The following NRXN3 variants were observed in gnomAD, a reference collection of about 807,000 sequenced individuals.
NRXN3 encodes neurexin III.
NRXN3 carries 32 observed loss-of-function variants against 137.6 expected under a neutral mutation model. That is an observed-to-expected ratio of 0.23 (90% CI 0.18 to 0.31). The LOEUF is 0.31. Among genes scored for constraint, NRXN3 ranks in the 10% least tolerant of loss-of-function variants. The probability of loss-of-function intolerance (pLI) is 1.00; values close to 1 mark genes in which losing one functional copy is unlikely to be tolerated. For missense variants in NRXN3, 1,574 were observed against 2,062.5 expected, an observed-to-expected ratio of 0.76 and a Z score of 4.59; for synonymous variants, 798 against 784.5, an observed-to-expected ratio of 1.02 and a Z score of -0.29.
chr14:78,204,831 G>T (rs376396944), intron 1 of NRXN3, among the ~76,000 whole-genome samples: 1 of 152,154 alleles, frequency 6.6e-6, no homozygotes, highest in Non-Finnish European at 1.5e-5. Flanking sequence ...ATAAAGAGCC[G>T]TAAGTAACTG....
intron 4 of NRXN3, among the ~76,000 whole-genome samples, chr14:78,420,205 AT>A (rs1008528423): frequency 5.9e-5 from 9 of 152,210 alleles, no homozygotes; most frequent in African/African-American, 1.2e-4. Context: ...TGGTTAGAGG[AT>A]TTTCAAACTT....
Position 78,915,365 on chromosome 14 carries a change from A to C in NRXN3, c.2276-41877A>C, listed in dbSNP as rs1305114137. ...TGAAGCAAAAAAAAAAAAAAAAAAA[A>C]AAAAAAACCACACAGAAAAAAAACA... On this transcript the variant is annotated intron_variant, in intron 10 of 20. Transcript: ENST00000335750. Among the ~76,000 whole-genome samples, 173 of 148,546 alleles carry C rather than the reference A, an allele frequency of 1.2e-3. 2 individuals are homozygous for C. In the East Asian group the frequency reaches 0.029, roughly 25 times the overall value.
intron 15 of NRXN3, among the ~76,000 whole-genome samples, chr14:79,163,739 A>C (rs2061023026): frequency 6.6e-6 from 1 of 151,964 alleles, no homozygotes. Flanking sequence ...AACTATGATA[A>C]GGTTTTTAAT....
intron 15 of NRXN3, among the ~76,000 whole-genome samples, chr14:79,282,586 C>T: frequency 6.6e-6 from 1 of 152,138 alleles, no homozygotes; most frequent in East Asian, 1.9e-4. Flanking sequence ...CGATTGGTTG[C>T]TCAGTCTCCT....
chr14:78,452,544 T>A (rs1235976198), intron 4 of NRXN3, among the ~76,000 whole-genome samples: 1 of 152,184 alleles, frequency 6.6e-6, no homozygotes, highest in Non-Finnish European at 1.5e-5. Context: ...ATGTGGAGGA[T>A]CTTTAATTTT....
In NRXN3 at chr14:79,395,523, G is replaced by T. The variant is rs117629294; in HGVS notation, c.3263-71698G>T. Among the ~76,000 whole-genome samples the T allele has an allele frequency of 1.0e-3, 155 of 152,182 alleles. 4 individuals carry two copies. The East Asian group carries it at 0.028, about 27-fold the overall frequency. ...TGTGTGTATAAAAAAAATGCAGGCT[G>T]TGAGGCCGGGCGTGGTGGCTCACGC... On this transcript the variant is annotated intron_variant, in intron 15 of 20. Transcript: ENST00000335750.
chr14:78,427,139 C>T (rs952317539), intron 4 of NRXN3, among the ~76,000 whole-genome samples: 14 of 152,198 alleles, frequency 9.2e-5, no homozygotes, highest in Admixed American at 2.6e-4. Context: ...GGTGCCCCCA[C>T]GGAAGGAGGA....
intron 15 of NRXN3, among the ~76,000 whole-genome samples, chr14:79,435,240 G>A (rs1341551068): frequency 6.6e-6 from 1 of 150,862 alleles, no homozygotes; most frequent in Non-Finnish European, 1.5e-5. Flanking sequence ...AATGAAGCAA[G>A]AATGTCAATC....
At chr14:78,590,939 T>C (rs936133046) in intron 4 of NRXN3, among the ~76,000 whole-genome samples, 10 of 152,148 alleles carry the variant, frequency 6.6e-5, no homozygotes, top group Non-Finnish European at 1.2e-4. Context: ...AAAAGAATGG[T>C]AAATTCCAAT....
At chr14:78,528,482 A>G (rs1034506998) in intron 4 of NRXN3, among the ~76,000 whole-genome samples, 1 of 152,178 alleles carries the variant, frequency 6.6e-6, no homozygotes, top group African/African-American at 2.4e-5. Context: ...TTTCCCCACA[A>G]CTGTGTGAGG....
At chr14:79,239,718 A>G (rs915225681) in intron 15 of NRXN3, among the ~76,000 whole-genome samples, 5 of 152,196 alleles carry the variant, frequency 3.3e-5, no homozygotes, top group African/African-American at 1.2e-4. Context: ...TCATTGCAGC[A>G]GTATTCACAA....
chr14:79,375,910 A>G lies in NRXN3; in HGVS notation c.3263-91311A>G, dbSNP rs186853554. On this transcript the variant is annotated intron_variant, in intron 15 of 20. Coordinates refer to ENST00000335750, the MANE Select transcript of NRXN3 (RefSeq NM_001330195.2). Reference sequence around the variant, plus strand: ...TTCTAATTCCCAATCAAGGCATTCTATTTCAAAATGTAGGAGCATGGTTGA... The same window carrying G: ...TTCTAATTCCCAATCAAGGCATTCTGTTTCAAAATGTAGGAGCATGGTTGA... 4.2e-3 allele frequency among the ~76,000 whole-genome samples: 634 copies of G among 151,832 alleles called. 7 individuals are homozygous for G. Among genetic ancestry groups the G allele is most frequent in the African/African-American group, 0.014 (568 of 41,440 alleles).
At chr14:78,228,587 C>A (rs1394557159) in intron 1 of NRXN3, among the ~76,000 whole-genome samples, 3 of 152,226 alleles carry the variant, frequency 2.0e-5, no homozygotes, top group Admixed American at 1.3e-4. Context: ...TTATTCCATA[C>A]TGAATCCTCA....
chr14:79,728,090 C>T (rs1490579019), intron 19 of NRXN3, among the ~76,000 whole-genome samples: 1 of 152,176 alleles, frequency 6.6e-6, no homozygotes, highest in East Asian at 1.9e-4. Flanking sequence ...CACAACCCGA[C>T]TTCTGTTGCT....
chr14:79,339,036 A>C (rs1273924246), intron 15 of NRXN3, among the ~76,000 whole-genome samples: 1 of 152,140 alleles, frequency 6.6e-6, no homozygotes, highest in East Asian at 1.9e-4. Context: ...TGAAGGGGAG[A>C]AATTAATGAG....
intron 16 of NRXN3, among the ~76,000 whole-genome samples, chr14:79,635,947 T>A (rs773921321): frequency 2.6e-5 from 4 of 151,976 alleles, no homozygotes; most frequent in African/African-American, 4.8e-5. Flanking sequence ...GAGAACAGCA[T>A]GGGGGAAACT....
At chr14:79,010,239 A>G (rs903503636) in intron 15 of NRXN3, among the ~76,000 whole-genome samples, 7 of 152,198 alleles carry the variant, frequency 4.6e-5, no homozygotes, top group Admixed American at 2.0e-4. Flanking sequence ...AAATTCAGGA[A>G]GCACATCACT....
intron 4 of NRXN3, among the ~76,000 whole-genome samples, chr14:78,415,878 A>T (rs2093109042): frequency 6.6e-6 from 1 of 152,106 alleles, no homozygotes; most frequent in Non-Finnish European, 1.5e-5. Context: ...CTCACCAAGA[A>T]CCCAACTATG....
intron 15 of NRXN3, among the ~76,000 whole-genome samples, chr14:79,296,858 C>T (rs2153469739): frequency 6.6e-6 from 1 of 152,250 alleles, no homozygotes. Context: ...TTTCCAGTGC[C>T]CTCTAAATCA....
Sources: allele counts gnomAD v4.1 joint callset (sites outside exome capture counted in the v4.1 genomes callset), GRCh38; gene constraint gnomAD v4.1.1; transcripts MANE v1.5; gene names NCBI Gene and HGNC (gene_info 2026-07-23, HGNC 2026-07-21).